Variants in SLC7A14 observed in about 807,000 individuals in gnomAD.
The protein encoded by SLC7A14 is solute carrier family 7 member 14.
A neutral mutation model predicts 60.2 loss-of-function variants in SLC7A14; 37 were observed. The observed-to-expected ratio is 0.61, with a 90% CI of 0.47 to 0.81. SLC7A14 has a LOEUF of 0.81. Ranked by LOEUF, SLC7A14 falls within the 30% of genes least tolerant of loss-of-function variation. The pLI is 0.00. For missense variants in SLC7A14, 886 were observed against 982.7 expected, an observed-to-expected ratio of 0.90 and a Z score of 1.32; for synonymous variants, 399 against 395.8, an observed-to-expected ratio of 1.01 and a Z score of -0.10.
At position 170,540,779 on chromosome 3, in the gene SLC7A14, A is replaced by G. The variant is rs141445135; in HGVS notation, c.-152-13691T>C. Among the ~76,000 whole-genome samples, 379 of 152,318 alleles carry G rather than the reference A, an allele frequency of 2.5e-3. 4 individuals carry two copies. Among genetic ancestry groups the G allele is most frequent in the African/African-American group, 8.6e-3 (359 of 41,574 alleles). ...CAGATGTTGTCTGGTGACTTTTTAA[A>G]TGAATATCCAGCCTTCAAGCTATTC... On this transcript the variant is annotated intron_variant, in intron 1 of 7. Transcript: ENST00000231706.
chr3:170,561,379 G>A (rs1214407713), intron 1 of SLC7A14, among the ~76,000 whole-genome samples: 3 of 152,176 alleles, frequency 2.0e-5, no homozygotes, highest in Non-Finnish European at 2.9e-5. Flanking sequence ...AAACTGCTTT[G>A]GTTGGTGGTG....
chr3:170,540,127 G>A (rs1713976329), intron 1 of SLC7A14, among the ~76,000 whole-genome samples: 1 of 152,098 alleles, frequency 6.6e-6, no homozygotes, highest in African/African-American at 2.4e-5. Flanking sequence ...GGGACAGAGT[G>A]GGATGGTGTG....
At chr3:170,518,869 AG>A in intron 2 of SLC7A14, among the ~76,000 whole-genome samples, 1 of 152,154 alleles carries the variant, frequency 6.6e-6, no homozygotes, top group South Asian at 2.1e-4. Flanking sequence ...AGAAGAAGAG[AG>A]GGTTGGTGGA....
At chr3:170,509,673 G>C (rs1312822799) in intron 2 of SLC7A14, among the ~76,000 whole-genome samples, 1 of 151,712 alleles carries the variant, frequency 6.6e-6, no homozygotes, top group Non-Finnish European at 1.5e-5. Flanking sequence ...AGCCTGGTGT[G>C]GTGGTGCATG....
chr3:170,483,008 G>T (rs1711884249), intron 6 of SLC7A14, among the ~76,000 whole-genome samples: 4 of 151,884 alleles, frequency 2.6e-5, no homozygotes. Context: ...CTTCCTTCTG[G>T]AGGCCACCCA....
At chr3:170,566,558 T>C (rs1407092308) in intron 1 of SLC7A14, among the ~76,000 whole-genome samples, 1 of 152,178 alleles carries the variant, frequency 6.6e-6, no homozygotes, top group Non-Finnish European at 1.5e-5. Flanking sequence ...CTGTCTCTTG[T>C]TTCTCTCCTG....
intron 6 of SLC7A14, among the ~76,000 whole-genome samples, chr3:170,482,844 A>G (rs969497972): frequency 4.6e-5 from 7 of 152,128 alleles, no homozygotes; most frequent in Non-Finnish European, 7.3e-5. Context: ...AATAAATGGC[A>G]GCTGGTGTTG....
intron 1 of SLC7A14, among the ~76,000 whole-genome samples, chr3:170,536,612 T>C (rs1366060766): frequency 6.6e-6 from 1 of 152,190 alleles, no homozygotes; most frequent in Non-Finnish European, 1.5e-5. Context: ...GTGAATACTC[T>C]GTACTCATGA....
intron 1 of SLC7A14, among the ~76,000 whole-genome samples, chr3:170,539,176 G>T (rs1713939323): frequency 8.0e-6 from 1 of 125,002 alleles, no homozygotes; most frequent in Non-Finnish European, 1.7e-5. Context: ...CACCCTCCTT[G>T]GTTCAGCCAC....
chr3:170,577,390 G>A (rs1337877811), intron 1 of SLC7A14, among the ~76,000 whole-genome samples: 3 of 151,484 alleles, frequency 2.0e-5, no homozygotes, highest in Non-Finnish European at 2.9e-5. Flanking sequence ...AGGCCGAGGC[G>A]GGTGGATCAT....
At chr3:170,556,181 A>C (rs549030834) in intron 1 of SLC7A14, among the ~76,000 whole-genome samples, 2 of 152,314 alleles carry the variant, frequency 1.3e-5, no homozygotes, top group South Asian at 4.1e-4. Flanking sequence ...ATGAGATGCT[A>C]TGGTTTTTGT....
intron 4 of SLC7A14, chr3:170,496,299 C>T (rs561952953): frequency 4.0e-6 from 4 of 1,000,168 alleles, no homozygotes; most frequent in African/African-American, 3.2e-5. Flanking sequence ...TGCAGAGCTG[C>T]AGACGCTGGC....
At chr3:170,540,704 G>A (rs920709376) in intron 1 of SLC7A14, among the ~76,000 whole-genome samples, 3 of 152,152 alleles carry the variant, frequency 2.0e-5, no homozygotes, top group African/African-American at 7.2e-5. Context: ...AAATCTGAAA[G>A]CTAGGAGAAC....
chr3:170,542,117 C>G (rs1714034775), intron 1 of SLC7A14, among the ~76,000 whole-genome samples: 1 of 152,130 alleles, frequency 6.6e-6, no homozygotes, highest in Non-Finnish European at 1.5e-5. Flanking sequence ...TACTTGGTTA[C>G]AGAATCAGCT....
chr3:170,525,059 G>A (rs77577216), intron 2 of SLC7A14, among the ~76,000 whole-genome samples: 4 of 152,284 alleles, frequency 2.6e-5, no homozygotes, highest in South Asian at 2.1e-4. Context: ...ATGATAGCAC[G>A]CATTGGTACA....
At chr3:170,512,681 T>TTTTTTTTG (rs56324986) in intron 2 of SLC7A14, among the ~76,000 whole-genome samples, 2 of 110,632 alleles carry the variant, frequency 1.8e-5, no homozygotes, top group Non-Finnish European at 3.5e-5. Context: ...TTTTTTTTTT[T>TTTTTTTTG]GAGACGGAGT....
chr3:170,481,820 C>T (rs182166277), intron 6 of SLC7A14, among the ~76,000 whole-genome samples: 42 of 152,236 alleles, frequency 2.8e-4, no homozygotes, highest in African/African-American at 1.0e-3. Flanking sequence ...CCAGGCTCTG[C>T]GTGAAAAAGT....
intron 2 of SLC7A14, 58 bp downstream of exon 2, chr3:170,526,575 C>G: frequency 6.4e-7 from 1 of 1,570,612 alleles, no homozygotes; most frequent in Non-Finnish European, 8.6e-7. Flanking sequence ...AGGGGATGAA[C>G]AGTGACCAGG....
intron 1 of SLC7A14, among the ~76,000 whole-genome samples, chr3:170,569,164 T>G (rs1214775634): frequency 1.3e-5 from 2 of 152,216 alleles, no homozygotes; most frequent in African/African-American, 4.8e-5. Context: ...AGATAGCTCT[T>G]ATTATTTTGA....
Sources: gnomAD v4.1 joint callset for allele counts (sites outside exome capture counted in the v4.1 genomes callset) on GRCh38, gnomAD v4.1.1 for gene constraint, MANE v1.5 for transcripts, NCBI Gene and HGNC (gene_info 2026-07-23, HGNC 2026-07-21) for gene names.